Variants in ADAMTS17 observed in about 807,000 individuals in gnomAD.
ADAMTS17 encodes the protein ADAM metallopeptidase with thrombospondin type 1 motif 17, also known as A disintegrin and metalloproteinase with thrombospondin motifs 17.
In ADAMTS17, 113 loss-of-function variants were observed where a neutral mutation model predicts 141.5. The ratio of observed to expected loss-of-function variants is 0.80; its 90% CI spans 0.69 to 0.93. ADAMTS17 has a LOEUF of 0.93. ADAMTS17 is among the 40% of genes least tolerant of loss of function. The probability of loss-of-function intolerance (pLI) is 0.00; values close to 1 mark genes in which losing one functional copy is unlikely to be tolerated. For missense variants in ADAMTS17, 1,659 were observed against 1,517.9 expected, an observed-to-expected ratio of 1.09 and a Z score of -1.54; for synonymous variants, 768 against 630.6, an observed-to-expected ratio of 1.22 and a Z score of -3.27.
rs1350283304 is a variant in ADAMTS17 at position 100,281,280 on chromosome 15, C to G, written c.738G>C (p.Gln246His). 5 of 1,608,550 alleles carry G rather than the reference C, an allele frequency of 3.1e-6. No homozygotes were observed. The highest frequency in any genetic ancestry group is 1.3e-5 in the African/African-American group (1 of 74,938). ...TLVVADADMV[Q>H]YHGAEAAQRF... The stretch of plus-strand genomic sequence containing the variant: ...TCTGGGCGGCCTCGGCCCCGTGGTA[C>G]TGCACCATGTCGGCGTCGGCCACCA... Residue 246 changes from glutamine (Q) to histidine (H), a missense_variant, in exon 4 of 22, where the codon CAG becomes CAC. Physicochemically the swap from Gln to His is conservative, Grantham distance 24. Transcript: ENST00000268070.
chr15:100,214,745 A>C (rs576760395), intron 7 of ADAMTS17, among the ~76,000 whole-genome samples: 50 of 152,340 alleles, frequency 3.3e-4, no homozygotes, highest in African/African-American at 1.2e-3. Context: ...CAGGAGGCTG[A>C]AATCATTTCT....
chr15:100,007,446 G>C (rs2061058579), intron 18 of ADAMTS17, among the ~76,000 whole-genome samples: 1 of 151,568 alleles, frequency 6.6e-6, no homozygotes. Flanking sequence ...CGGAGATGGA[G>C]TTTCGCTGTT....
rs552030521 is a variant in ADAMTS17, at chr15:100,139,780, T to C, written c.1474-6465A>G. ...AATAGACTGGTACTCTTCAAAAGCG[T>C]CAAGGTCATGAAAGAAAAGGAAAGG... On this transcript the variant is annotated intron_variant, in intron 10 of 21. Coordinates refer to ENST00000268070, the MANE Select transcript of ADAMTS17 (RefSeq NM_139057.4). 2.2e-4 allele frequency among the ~76,000 whole-genome samples: 33 copies of C among 152,088 alleles called. 1 individual carries two copies. Among genetic ancestry groups the C allele is most frequent in the African/African-American group, 8.0e-4 (33 of 41,478 alleles).
intron 13 of ADAMTS17, among the ~76,000 whole-genome samples, chr15:100,110,291 G>A (rs2036688808): frequency 1.4e-5 from 2 of 138,466 alleles, no homozygotes; most frequent in South Asian, 2.1e-4. Context: ...TTGAGACAGA[G>A]TCTCACTCTG....
chr15:100,075,040 GTTTTA>G (rs1264150081), intron 15 of ADAMTS17, among the ~76,000 whole-genome samples: 1 of 151,838 alleles, frequency 6.6e-6, no homozygotes, highest in African/African-American at 2.4e-5. Flanking sequence ...TGTTATTTTT[GTTTTA>G]TTTAATGTTC....
intron 7 of ADAMTS17, among the ~76,000 whole-genome samples, chr15:100,233,734 G>A (rs375007896): frequency 3.3e-5 from 5 of 152,186 alleles, no homozygotes; most frequent in South Asian, 2.1e-4. Context: ...GAGACCTAAC[G>A]GTGGGAAGAG....
At chr15:100,213,346 GCCATTTGTTGATGGTGTTCT>G (rs779488166) in intron 7 of ADAMTS17, among the ~76,000 whole-genome samples, 84 of 152,276 alleles carry the variant, frequency 5.5e-4, no homozygotes, top group Non-Finnish European at 8.4e-4. Context: ...TGATATAAAA[GCCATTTGTTGATGGTGTTCT>G]CCATTTGATG....
chr15:99,976,307 AG>A, intron 20 of ADAMTS17, 85 bp from the exon 21 acceptor site: 1 of 1,503,600 alleles, frequency 6.7e-7, no homozygotes, highest in Non-Finnish European at 8.9e-7. Flanking sequence ...CTGCGGAGAC[AG>A]GACAGCCTGA....
At chr15:99,983,886 G>A (rs1164846289) in intron 20 of ADAMTS17, among the ~76,000 whole-genome samples, 1 of 152,188 alleles carries the variant, frequency 6.6e-6, no homozygotes, top group Non-Finnish European at 1.5e-5. Context: ...GTGCTTGGCT[G>A]GTGAAATGTC....
At chr15:100,278,459 C>A (rs773444156) in intron 4 of ADAMTS17, among the ~76,000 whole-genome samples, 2 of 152,100 alleles carry the variant, frequency 1.3e-5, no homozygotes, top group Admixed American at 1.3e-4. Flanking sequence ...ACTGAGGCCA[C>A]GTCGGAAAGC....
chr15:100,051,070 T>G (rs759670009), intron 17 of ADAMTS17, among the ~76,000 whole-genome samples: 1 of 152,106 alleles, frequency 6.6e-6, no homozygotes, highest in African/African-American at 2.4e-5. Flanking sequence ...AGGAAGTCAT[T>G]TGCTGAGGTC....
intron 15 of ADAMTS17, among the ~76,000 whole-genome samples, chr15:100,083,086 T>A (rs2034862371): frequency 6.6e-6 from 1 of 152,190 alleles, no homozygotes; most frequent in Non-Finnish European, 1.5e-5. Flanking sequence ...CTTAAACGTG[T>A]GTGACCATGT....
At chr15:100,244,513 C>G (rs2042928174) in intron 7 of ADAMTS17, among the ~76,000 whole-genome samples, 1 of 151,850 alleles carries the variant, frequency 6.6e-6, no homozygotes, top group Middle Eastern at 3.4e-3. Flanking sequence ...GGGGGCAGTT[C>G]TTTCCTGTGC....
intron 3 of ADAMTS17, among the ~76,000 whole-genome samples, chr15:100,291,628 G>A (rs1328870471): frequency 6.6e-6 from 1 of 151,868 alleles, no homozygotes; most frequent in Non-Finnish European, 1.5e-5. Context: ...AACAAAATGT[G>A]GTACATATAC....
intron 12 of ADAMTS17, chr15:100,129,485 T>G (rs1410211214): frequency 6.6e-6 from 1 of 152,378 alleles, no homozygotes; most frequent in Non-Finnish European, 1.5e-5. Flanking sequence ...GGCTCACACC[T>G]GTAATCCCAG....
In ADAMTS17 at chr15:100,068,083, A is replaced by G. The variant is rs142051510; in HGVS notation, c.2138-14029T>C. 3.4e-3 allele frequency among the ~76,000 whole-genome samples: 514 copies of G among 152,308 alleles called. 4 individuals are homozygous for G. Among genetic ancestry groups the G allele is most frequent in the Middle Eastern group, 0.01 (3 of 294 alleles). On this transcript the variant is annotated intron_variant, in intron 15 of 21. Coordinates refer to ENST00000268070, the MANE Select transcript of ADAMTS17 (RefSeq NM_139057.4). ...ACTGTGCTTTTCCAACGGTCTTAGC[A>G]AACGGCACGCCAGGAGATTATATCC...
At chr15:100,332,711 A>G (rs1879788867) in intron 2 of ADAMTS17, among the ~76,000 whole-genome samples, 2 of 152,246 alleles carry the variant, frequency 1.3e-5, no homozygotes, top group South Asian at 4.1e-4. Context: ...GCAAAGCATC[A>G]CTTAGCACCT....
chr15:99,993,123 G>A lies in ADAMTS17; in HGVS notation c.2874C>T (p.Ser958=). The A allele has an allele frequency of 6.2e-7, 1 of 1,614,140 alleles. No individual in the cohort carries two copies. Among genetic ancestry groups the A allele is most frequent in the Non-Finnish European group, 8.5e-7 (1 of 1,180,036 alleles). ...CTNSQGKCDA[S]TRPRAEEACE... is the part of the protein sequence containing the mutation. ...AGGCCTCCTCGGCTCTCGGCCTCGT[G>A]GATGCGTCGCATTTCCCTTGTGAGT... The change falls in exon 20 of 22, where the codon TCC becomes TCT. Residue 958 remains serine (S), a synonymous_variant. Coordinates refer to ENST00000268070, the MANE Select transcript of ADAMTS17 (RefSeq NM_139057.4). This position sits in a 1 kb window ranked among gnomAD's most constrained non-coding sequence, Gnocchi z 4.3.
At chr15:100,301,323 T>TTA (rs140913683) in intron 3 of ADAMTS17, among the ~76,000 whole-genome samples, 13,420 of 145,802 alleles carry the variant, frequency 0.092, 729 homozygotes, top group Non-Finnish European at 0.13. Context: ...TCTATGTGAG[T>TTA]TATATATATA....
Sources: allele counts gnomAD v4.1 joint callset (sites outside exome capture counted in the v4.1 genomes callset), GRCh38; gene constraint gnomAD v4.1.1; non-coding constraint Gnocchi (gnomAD v3.1); transcripts MANE v1.5; gene names NCBI Gene and HGNC (gene_info 2026-07-23, HGNC 2026-07-21).